The following NUP93 variants were observed in gnomAD, a reference collection of about 807,000 sequenced individuals.
NUP93 encodes nuclear pore complex protein Nup93.
In NUP93, 55 loss-of-function variants were observed where a neutral mutation model predicts 107.8. That is an observed-to-expected ratio of 0.51 (90% CI 0.41 to 0.64). The LOEUF (loss-of-function observed/expected upper bound fraction) is 0.64. NUP93 is among the 30% of genes least tolerant of loss of function. The pLI, the probability that NUP93 is intolerant of heterozygous loss-of-function variation, is 0.00. For missense variants in NUP93, 937 were observed against 1,044.7 expected, an observed-to-expected ratio of 0.90 and a Z score of 1.42; for synonymous variants, 390 against 397.5, an observed-to-expected ratio of 0.98 and a Z score of 0.22.
At position 56,841,700 on chromosome 16, in the gene NUP93, T is replaced by C; in HGVS notation, c.2221-5T>C. ...TTTCTTTACTCTGTTTTTCTCTCTA[T>C]GTAGATCAGGCACAACCTCTCAGAA... On this transcript the variant is annotated splice_polypyrimidine_tract_variant and splice_region_variant and intron_variant, in intron 20 of 21. Transcript: ENST00000308159. 1 of 1,613,988 alleles carries C rather than the reference T, an allele frequency of 6.2e-7. No individual in the cohort carries two copies. Among genetic ancestry groups the C allele is most frequent in the Non-Finnish European group, 8.5e-7 (1 of 1,179,924 alleles).
In NUP93 at chr16:56,836,564, C is replaced by G. The variant is rs774311044; in HGVS notation, c.1783-37C>G. ...TAAAATAATAGCTCTGTGCACCCGT[C>G]TCTCTCTTCCTCCCCCTCCATAATT... On this transcript the variant is annotated intron_variant, in intron 16 of 21. Coordinates refer to ENST00000308159, the MANE Select transcript of NUP93 (RefSeq NM_014669.5). 10 of 1,234,152 alleles carry G rather than the reference C, an allele frequency of 8.1e-6. No individual in the cohort carries two copies. In the South Asian group the frequency reaches 1.2e-4, roughly 15 times the overall value. The allele number at this position is 1,234,152 out of a possible 1,614,324, so 76.5% of individuals were successfully genotyped here.
At chr16:56,818,258 C>T (rs1215692028) in intron 5 of NUP93, among the ~76,000 whole-genome samples, 2 of 152,194 alleles carry the variant, frequency 1.3e-5, no homozygotes, top group Admixed American at 6.5e-5. Context: ...TTTCCCTCAA[C>T]TGCCTGATAT....
At chr16:56,831,769 TG>T (rs1963791268) in intron 10 of NUP93, 72 bp from the exon 11 acceptor site, 1 of 1,493,272 alleles carries the variant, frequency 6.7e-7, no homozygotes, top group Non-Finnish European at 9.2e-7. Context: ...GTTTGGGACC[TG>T]GGACGCTTTC....
intron 5 of NUP93, among the ~76,000 whole-genome samples, chr16:56,811,762 C>T (rs758887497): frequency 3.5e-4 from 53 of 152,112 alleles, no homozygotes; most frequent in Non-Finnish European, 6.6e-4. Flanking sequence ...TGAGCCACTG[C>T]GTCTGGCCAT....
At chr16:56,809,355 G>A (rs1468623717) in intron 5 of NUP93, among the ~76,000 whole-genome samples, 1 of 152,066 alleles carries the variant, frequency 6.6e-6, no homozygotes, top group Non-Finnish European at 1.5e-5. Flanking sequence ...GAGATTATTG[G>A]GGAAGATTAG....
chr16:56,784,141 A>G (rs1962575872), intron 3 of NUP93, among the ~76,000 whole-genome samples: 1 of 152,220 alleles, frequency 6.6e-6, no homozygotes, highest in Non-Finnish European at 1.5e-5. Flanking sequence ...GTCACTAGTC[A>G]TGAATGGAAA....
At chr16:56,752,004 C>T (rs1206922967) in intron 2 of NUP93, among the ~76,000 whole-genome samples, 1 of 152,220 alleles carries the variant, frequency 6.6e-6, no homozygotes, top group African/African-American at 2.4e-5. Flanking sequence ...CCGTACACTG[C>T]ATAAGCCACA....
Position 56,839,233 on chromosome 16 carries a change from C to CTTT in NUP93, c.2136+189_2136+191dup, listed in dbSNP as rs71152206. 22 of 52,866 alleles carry CTTT rather than the reference C, an allele frequency of 4.2e-4. 2 individuals carry two copies. The highest frequency in any genetic ancestry group is 6.0e-4 in the Admixed American group (2 of 3,314). 3.3% of individuals were successfully genotyped at this position (52,866 alleles called of 1,614,324 possible). On this transcript the variant is annotated intron_variant, in intron 19 of 21. Coordinates refer to ENST00000308159, the MANE Select transcript of NUP93 (RefSeq NM_014669.5). Reference sequence around the variant, plus strand: ...GACTTAAAAGGAGTTTCCTGTGTGGCTTTTTTTTTTTTTTTTTTTTTTTTT... The same window carrying CTTT: ...GACTTAAAAGGAGTTTCCTGTGTGGCTTTTTTTTTTTTTTTTTTTTTTTTTTTT...
intron 3 of NUP93, among the ~76,000 whole-genome samples, chr16:56,796,025 T>TG: frequency 6.6e-6 from 1 of 152,214 alleles, no homozygotes; most frequent in East Asian, 1.9e-4. Context: ...CCCAGGTTTT[T>TG]GGGGTGTGAC....
At chr16:56,739,853 C>A (rs1211908143) in intron 1 of NUP93, among the ~76,000 whole-genome samples, 1 of 16,460 alleles carries the variant, frequency 6.1e-5, no homozygotes, top group Non-Finnish European at 9.7e-5. Flanking sequence ...GGAGGGCTCA[C>A]CCCCCGACCT....
At chr16:56,813,389 G>A (rs1963356240) in intron 5 of NUP93, among the ~76,000 whole-genome samples, 1 of 152,222 alleles carries the variant, frequency 6.6e-6, no homozygotes, top group Non-Finnish European at 1.5e-5. Flanking sequence ...TGAACTAACA[G>A]TTTGAAAACT....
intron 3 of NUP93, among the ~76,000 whole-genome samples, chr16:56,778,164 C>G (rs528213045): frequency 6.6e-6 from 1 of 152,098 alleles, no homozygotes; most frequent in Admixed American, 6.5e-5. Flanking sequence ...GGCGTGGAAG[C>G]GGTTAATAAC....
chr16:56,835,905 G>A (rs539676829), intron 16 of NUP93, among the ~76,000 whole-genome samples: 1 of 152,192 alleles, frequency 6.6e-6, no homozygotes, highest in South Asian at 2.1e-4. Context: ...GAGGCGGGTG[G>A]ATCATGAGGT....
intron 3 of NUP93, among the ~76,000 whole-genome samples, chr16:56,797,796 A>G (rs1293725735): frequency 6.6e-6 from 1 of 152,182 alleles, no homozygotes; most frequent in Non-Finnish European, 1.5e-5. Context: ...CTAGTAGTAA[A>G]TGGAGGCACT....
intron 3 of NUP93, among the ~76,000 whole-genome samples, chr16:56,797,715 T>C (rs1962930995): frequency 6.6e-6 from 1 of 152,224 alleles, no homozygotes. Context: ...TTGATTACAT[T>C]ATCTTATTTT....
chr16:56,738,833 G>T (rs183165653), intron 1 of NUP93, among the ~76,000 whole-genome samples: 6 of 152,020 alleles, frequency 3.9e-5, no homozygotes, highest in Admixed American at 2.0e-4. Context: ...GATGAGAAAA[G>T]AAAGAATCAT....
chr16:56,790,184 T>C (rs558677578), intron 3 of NUP93, among the ~76,000 whole-genome samples: 7 of 152,318 alleles, frequency 4.6e-5, no homozygotes, highest in African/African-American at 1.7e-4. Context: ...GCCTGGACTT[T>C]TGCTATTCAG....
intron 2 of NUP93, among the ~76,000 whole-genome samples, chr16:56,751,621 C>T (rs1232161838): frequency 6.6e-6 from 1 of 152,158 alleles, no homozygotes; most frequent in African/African-American, 2.4e-5. Flanking sequence ...TAGGCATTTT[C>T]CCCCACATTC....
chr16:56,818,105 A>G (rs1484078739), intron 5 of NUP93, among the ~76,000 whole-genome samples: 1 of 152,216 alleles, frequency 6.6e-6, no homozygotes, highest in Non-Finnish European at 1.5e-5. Context: ...TGTGGCAGGC[A>G]CTTAGCAAAT....
Sources: gnomAD v4.1 joint callset for allele counts (sites outside exome capture counted in the v4.1 genomes callset) on GRCh38, gnomAD v4.1.1 for gene constraint, MANE v1.5 for transcripts, NCBI Gene and HGNC (gene_info 2026-07-23, HGNC 2026-07-21) for gene names.